DNAJC1: variants seen among roughly 807,000 people sequenced by gnomAD.
DNAJC1 encodes dnaJ homolog subfamily C member 1.
Under a neutral mutation model 76.6 loss-of-function variants are expected in DNAJC1, and 58 were observed. The observed-to-expected ratio is 0.76, with a 90% confidence interval of 0.61 to 0.94. The LOEUF is 0.94. DNAJC1 is among the 40% of genes least tolerant of loss of function. DNAJC1 has a pLI of 0.00. For missense variants in DNAJC1, 689 were observed against 677.3 expected (o/e 1.02, Z -0.19); for synonymous variants, 258 against 267.9 (o/e 0.96, Z 0.36).
intron 2 of DNAJC1, 80 bp downstream of exon 2, chr10:21,928,960 A>T: frequency 1.1e-6 from 1 of 881,940 alleles, no homozygotes; most frequent in Non-Finnish European, 1.7e-6. Flanking sequence ...AAAATATTCC[A>T]TATATAAGTG....
intron 1 of DNAJC1, among the ~76,000 whole-genome samples, chr10:21,929,411 T>C (rs529221674): frequency 6.6e-6 from 1 of 152,310 alleles, no homozygotes; most frequent in East Asian, 1.9e-4. Flanking sequence ...TTTCAAACAC[T>C]TGCCTTCCTA....
chr10:21,868,128 C>CT (rs200727543), intron 8 of DNAJC1, among the ~76,000 whole-genome samples: 3,048 of 123,440 alleles, frequency 0.025, 107 homozygotes, highest in African/African-American at 0.048. Context: ...TGAAAATATT[C>CT]TTTTTTTTTT....
At chr10:21,803,589 C>CTGTGTGTGTGTGTGTGTGTGTGTG (rs113615504) in intron 9 of DNAJC1, among the ~76,000 whole-genome samples, 1 of 140,652 alleles carries the variant, frequency 7.1e-6, no homozygotes, top group African/African-American at 2.6e-5. Flanking sequence ...GAGTGATTTT[C>CTGTGTGTGTGTGTGTGTGTGTGTG]TGTGTGTGTG....
chr10:21,834,025 G>T (rs941398483), intron 8 of DNAJC1, among the ~76,000 whole-genome samples: 1 of 152,032 alleles, frequency 6.6e-6, no homozygotes, highest in Non-Finnish European at 1.5e-5. Flanking sequence ...AGCACTTTGG[G>T]AGGCTGAGGT....
At chr10:21,989,697 T>C (rs1838300019) in intron 1 of DNAJC1, among the ~76,000 whole-genome samples, 2 of 152,204 alleles carry the variant, frequency 1.3e-5, no homozygotes, top group Non-Finnish European at 2.9e-5. Context: ...GCAATGGTTT[T>C]AGCCCCACAG....
intron 8 of DNAJC1, among the ~76,000 whole-genome samples, chr10:21,809,089 A>G (rs1834925052): frequency 6.6e-6 from 1 of 152,182 alleles, no homozygotes; most frequent in East Asian, 1.9e-4. Context: ...AAAACCCACT[A>G]TGTTCAAAGA....
chr10:21,910,786 T>G (rs1011991782), intron 6 of DNAJC1, among the ~76,000 whole-genome samples: 9 of 129,718 alleles, frequency 6.9e-5, no homozygotes, highest in Non-Finnish European at 1.2e-4. Flanking sequence ...ACCTGTAAAT[T>G]CTGCACATGT....
chr10:21,828,882 C>A (rs932625421), intron 8 of DNAJC1, among the ~76,000 whole-genome samples: 8 of 152,134 alleles, frequency 5.3e-5, no homozygotes, highest in Non-Finnish European at 1.0e-4. Context: ...AATTTTTTCT[C>A]TATATATATC....
intron 1 of DNAJC1, among the ~76,000 whole-genome samples, chr10:21,952,955 T>G (rs1019653180): frequency 3.9e-5 from 6 of 152,152 alleles, no homozygotes; most frequent in Admixed American, 2.0e-4. Flanking sequence ...GTTTCAAGTT[T>G]TCTTATTATT....
chr10:21,947,281 C>G (rs565378124), intron 1 of DNAJC1, among the ~76,000 whole-genome samples: 21 of 152,150 alleles, frequency 1.4e-4, no homozygotes, highest in South Asian at 6.2e-4. Context: ...CCTTGAACAC[C>G]AGGAGTTTGA....
chr10:21,770,094 G>A (rs1053961326), intron 9 of DNAJC1, among the ~76,000 whole-genome samples: 1 of 147,766 alleles, frequency 6.8e-6, no homozygotes, highest in Non-Finnish European at 1.5e-5. Context: ...TCCATTTTTG[G>A]ATTTTTTCTC....
chr10:21,770,531 G>T (rs1834361484), intron 9 of DNAJC1, among the ~76,000 whole-genome samples: 1 of 151,616 alleles, frequency 6.6e-6, no homozygotes, highest in South Asian at 2.1e-4. Flanking sequence ...ACAAGTAACT[G>T]GGACTACAGG....
chr10:21,925,565 CG>C (rs2131776185), intron 3 of DNAJC1, among the ~76,000 whole-genome samples: 1 of 152,154 alleles, frequency 6.6e-6, no homozygotes, highest in East Asian at 1.9e-4. Context: ...AATAGATAAA[CG>C]TAAGTGGTAT....
At chr10:21,935,806 T>A (rs1462194654) in intron 1 of DNAJC1, among the ~76,000 whole-genome samples, 1 of 151,918 alleles carries the variant, frequency 6.6e-6, no homozygotes, top group Non-Finnish European at 1.5e-5. Flanking sequence ...GGCTAGATGG[T>A]AGTAAATTAA....
intron 1 of DNAJC1, among the ~76,000 whole-genome samples, chr10:21,944,888 T>TGA (rs1275735619): frequency 2.6e-5 from 4 of 152,208 alleles, no homozygotes; most frequent in Non-Finnish European, 4.4e-5. Flanking sequence ...GCAAGGATAC[T>TGA]GATAACATCT....
chr10:21,916,368 A>G (rs983854054), intron 6 of DNAJC1, among the ~76,000 whole-genome samples: 5 of 152,160 alleles, frequency 3.3e-5, no homozygotes, highest in Admixed American at 6.5e-5. Flanking sequence ...GGGCGCCTGT[A>G]GTCCCAGCTA....
intron 7 of DNAJC1, among the ~76,000 whole-genome samples, chr10:21,895,163 G>A (rs2131735093): frequency 6.6e-6 from 1 of 152,332 alleles, no homozygotes; most frequent in African/African-American, 2.4e-5. Context: ...GAATAGCTTT[G>A]AAGTGCATGC....
At chr10:21,812,964 T>C (rs958808748) in intron 8 of DNAJC1, among the ~76,000 whole-genome samples, 3 of 150,522 alleles carry the variant, frequency 2.0e-5, no homozygotes, top group Non-Finnish European at 4.4e-5. Context: ...ACCAATAGGA[T>C]ACTGTGGAAG....
chr10:21,918,863 C>T lies in DNAJC1; in HGVS notation c.645G>A (p.Met215Ile), dbSNP rs140168773. 213 of 1,612,514 alleles carry T rather than the reference C, an allele frequency of 1.3e-4. No individual in the cohort carries two copies. The highest frequency in any genetic ancestry group is 1.7e-4 in the African/African-American group (13 of 74,832). Residue 215 changes from methionine (M) to isoleucine (I), a missense_variant, in exon 6 of 12, where the codon ATG (methionine) becomes ATA (isoleucine). Transcript: ENST00000376980. Reference protein sequence around the residue: ...GASEKNERLLMKPQWHDLLPC... With the variant: ...GASEKNERLLIKPQWHDLLPC... The stretch of plus-strand genomic sequence containing the variant: ...GAAGCAAATCATGCCACTGTGGTTT[C>T]ATCAGCAATCTAAAGGGAGGGAGAA...
Sources: gnomAD v4.1 joint callset for allele counts (sites outside exome capture counted in the v4.1 genomes callset) on GRCh38, gnomAD v4.1.1 for gene constraint, MANE v1.5 for transcripts, NCBI Gene and HGNC (gene_info 2026-07-23, HGNC 2026-07-21) for gene names.